CACNA1D: variants seen among roughly 807,000 people sequenced by gnomAD.
CACNA1D encodes the protein calcium voltage-gated channel subunit alpha1 D.
Under a neutral mutation model 257.1 loss-of-function variants are expected in CACNA1D, and 55 were observed. The ratio of observed to expected loss-of-function variants is 0.21; its 90% CI spans 0.17 to 0.27. The LOEUF is 0.27. CACNA1D is among the 10% of genes least tolerant of loss of function. The pLI, the probability that CACNA1D is intolerant of heterozygous loss-of-function variation, is 1.00. For synonymous variants in CACNA1D, 980 were observed against 1,014.9 expected, an observed-to-expected ratio of 0.97 and a Z score of 0.65; for missense variants, 1,876 against 2,784.0, an observed-to-expected ratio of 0.67 and a Z score of 7.34.
chr3:53,740,259 C>G (rs2095102967), intron 20 of CACNA1D, 21 bp from the exon 21 acceptor site: 1 of 1,580,680 alleles, frequency 6.3e-7, no homozygotes, highest in African/African-American at 1.3e-5. Flanking sequence ...TTTTCTCACT[C>G]CCACATGTTG....
chr3:53,671,129 A>C (rs1188671650), intron 7 of CACNA1D, among the ~76,000 whole-genome samples: 1 of 152,196 alleles, frequency 6.6e-6, no homozygotes, highest in African/African-American at 2.4e-5. Flanking sequence ...ACTCCCAAGA[A>C]ATTAAAAGGG....
intron 3 of CACNA1D, among the ~76,000 whole-genome samples, chr3:53,510,223 G>A (rs770400371): frequency 8.5e-5 from 13 of 152,118 alleles, no homozygotes; most frequent in Admixed American, 3.9e-4. Context: ...TGTCCCTTCC[G>A]AATTGTTTTT....
At chr3:53,666,258 G>T in intron 6 of CACNA1D, 81 bp from the exon 7 acceptor site, 2 of 1,355,906 alleles carry the variant, frequency 1.5e-6, no homozygotes, top group Non-Finnish European at 2.1e-6. Flanking sequence ...CCGGGCTCTG[G>T]CAAGGGTTCT....
Position 53,718,399 on chromosome 3 carries a change from G to A in CACNA1D, c.1478+11G>A, listed in dbSNP as rs773543746. On this transcript the variant is annotated intron_variant, in intron 10 of 47. Coordinates refer to ENST00000350061, the MANE Select transcript of CACNA1D (RefSeq NM_001128840.3). The stretch of plus-strand genomic sequence containing the variant: ...CTGTGGAAGTCTCTGGTGAGTGTGG[G>A]GAGCACTTGCCCTCTTTCCCCTCCT... 1.4e-5 allele frequency: 23 copies of A among 1,609,634 alleles called. No homozygotes were observed.
At chr3:53,533,286 A>G (rs1031748494) in intron 3 of CACNA1D, among the ~76,000 whole-genome samples, 1 of 152,152 alleles carries the variant, frequency 6.6e-6, no homozygotes, top group African/African-American at 2.4e-5. Context: ...TGTTTATTGT[A>G]TATCACCTTA....
intron 30 of CACNA1D, chr3:53,762,662 C>G (rs973635884): frequency 2.0e-5 from 9 of 456,330 alleles, no homozygotes; most frequent in African/African-American, 1.6e-4. Context: ...TGTCCTATAT[C>G]ATGGTTGTTT....
chr3:53,807,027 T>C (rs2095569682), intron 45 of CACNA1D, among the ~76,000 whole-genome samples: 1 of 151,732 alleles, frequency 6.6e-6, no homozygotes, highest in Admixed American at 6.5e-5. Flanking sequence ...TAAGGTGGTT[T>C]TGCTTTGCTG....
chr3:53,567,095 A>AT (rs982970005), intron 3 of CACNA1D, among the ~76,000 whole-genome samples: 1 of 152,192 alleles, frequency 6.6e-6, no homozygotes, highest in Non-Finnish European at 1.5e-5. Context: ...TTTGAGTCTT[A>AT]TGGAGACGAT....
rs536939813 is a variant in CACNA1D, at chr3:53,750,951, G to T, written c.3517-798G>T. 2.6e-5 allele frequency among the ~76,000 whole-genome samples: 4 copies of T among 152,242 alleles called. No homozygotes were observed. In the East Asian group the frequency reaches 7.7e-4, roughly 29 times the overall value. On this transcript the variant is annotated intron_variant, in intron 27 of 47. Transcript: ENST00000350061. ...GTAAGTGAGAAAGTGCTCCAGCTGG[G>T]TCCCAACCTGTGTTCAATCCAATTG...
At chr3:53,622,884 TGAAA>T (rs143806074) in intron 3 of CACNA1D, among the ~76,000 whole-genome samples, 4,367 of 151,510 alleles carry the variant, frequency 0.029, 78 homozygotes, top group East Asian at 0.051. Context: ...TTATGTTCAA[TGAAA>T]GAAGCCTTTT....
At chr3:53,603,585 A>G (rs774850639) in intron 3 of CACNA1D, among the ~76,000 whole-genome samples, 3 of 152,220 alleles carry the variant, frequency 2.0e-5, no homozygotes, top group Non-Finnish European at 4.4e-5. Flanking sequence ...TAAATTGCAA[A>G]ATACCACTCA....
chr3:53,555,469 T>TTG (rs1559834986), intron 3 of CACNA1D, among the ~76,000 whole-genome samples: 2 of 147,480 alleles, frequency 1.4e-5, no homozygotes, highest in Non-Finnish European at 3.0e-5. Flanking sequence ...TGTTTTTTTT[T>TTG]TTTTTTTTTT....
intron 3 of CACNA1D, among the ~76,000 whole-genome samples, chr3:53,557,830 G>C (rs939076029): frequency 6.6e-6 from 1 of 152,056 alleles, no homozygotes; most frequent in Non-Finnish European, 1.5e-5. Context: ...AATTTTTGTC[G>C]TTCATTTTAA....
rs78520126 is a variant in CACNA1D, at chr3:53,666,250, G to A, written c.920-89G>A. The A allele has an allele frequency of 2.9e-3, 3,538 of 1,237,410 alleles. 76 individuals are homozygous for A. In the African/African-American group the frequency reaches 0.044, roughly 15 times the overall value. 76.7% of individuals were successfully genotyped at this position (1,237,410 alleles called of 1,614,324 possible). A position where few individuals can be genotyped will look rare whatever the true frequency, so the allele number is the denominator to read the frequency against. On this transcript the variant is annotated intron_variant, in intron 6 of 47. Coordinates refer to ENST00000350061, the MANE Select transcript of CACNA1D (RefSeq NM_001128840.3). ...CGCAGATGGGGCGGTAGGGTGTCCC[G>A]GGCTCTGGCAAGGGTTCTCACCTTC...
intron 3 of CACNA1D, among the ~76,000 whole-genome samples, chr3:53,634,188 T>C (rs1380607): frequency 2.0e-5 from 3 of 152,154 alleles, no homozygotes; most frequent in African/African-American, 7.2e-5. Context: ...TTAGAACATA[T>C]GTTTATGAAG....
Position 53,784,936 on chromosome 3 carries a change from C to T in CACNA1D, c.4793-1886C>T, listed in dbSNP as rs75218608. Among the ~76,000 whole-genome samples the T allele has an allele frequency of 5.2e-3, 798 of 152,212 alleles. 3 individuals carry two copies. Among genetic ancestry groups the T allele is most frequent in the African/African-American group, 0.018 (733 of 41,530 alleles). On this transcript the variant is annotated intron_variant, in intron 39 of 47. Coordinates refer to ENST00000350061, the MANE Select transcript of CACNA1D (RefSeq NM_001128840.3). ...AGCACACTGTCCTGTGGTAAGGTCC[C>T]GGCTTGACTGAGCTGGGCAAGTCAT...
At chr3:53,525,933 T>G (rs1440782360) in intron 3 of CACNA1D, among the ~76,000 whole-genome samples, 1 of 152,112 alleles carries the variant, frequency 6.6e-6, no homozygotes, top group Non-Finnish European at 1.5e-5. Context: ...AGGATCTGGT[T>G]TCTCTCTCTC....
At chr3:53,623,318 G>A (rs1182558049) in intron 3 of CACNA1D, among the ~76,000 whole-genome samples, 1 of 152,246 alleles carries the variant, frequency 6.6e-6, no homozygotes, top group African/African-American at 2.4e-5. Flanking sequence ...TCTAGATGGT[G>A]ATATACATGT....
chr3:53,738,559 C>T (rs1302068628), intron 20 of CACNA1D, among the ~76,000 whole-genome samples: 4 of 152,194 alleles, frequency 2.6e-5, no homozygotes, highest in Non-Finnish European at 4.4e-5. Context: ...GTCTAGGATT[C>T]GCATTGACAA....
Sources: allele counts gnomAD v4.1 joint callset (sites outside exome capture counted in the v4.1 genomes callset), GRCh38; gene constraint gnomAD v4.1.1; transcripts MANE v1.5; gene names NCBI Gene and HGNC (gene_info 2026-07-23, HGNC 2026-07-21).